TIAM1: variants seen among roughly 807,000 people sequenced by gnomAD.
TIAM1 encodes the protein rho guanine nucleotide exchange factor TIAM1.
In TIAM1, 65 loss-of-function variants were observed where a neutral mutation model predicts 163.5. That is an observed-to-expected ratio of 0.40 (90% CI 0.33 to 0.49). The LOEUF is 0.49. Ranked by LOEUF, TIAM1 falls within the 20% of genes least tolerant of loss-of-function variation. TIAM1 has a pLI of 0.77. For synonymous variants in TIAM1, 833 were observed against 810.1 expected, an observed-to-expected ratio of 1.03 and a Z score of -0.48; for missense variants, 1,789 against 2,044.7, an observed-to-expected ratio of 0.87 and a Z score of 2.41.
At chr21:31,170,471 C>T (rs557927804) in intron 15 of TIAM1, among the ~76,000 whole-genome samples, 1 of 152,254 alleles carries the variant, frequency 6.6e-6, no homozygotes, top group East Asian at 1.9e-4. Context: ...CAACATTTTT[C>T]TTGGAACTAA....
At chr21:31,208,168 C>T (rs1338330217) in intron 11 of TIAM1, among the ~76,000 whole-genome samples, 1 of 152,198 alleles carries the variant, frequency 6.6e-6, no homozygotes, top group African/African-American at 2.4e-5. Context: ...AAAGCAAAAG[C>T]TTGAAACATA....
chr21:31,260,805 G>T (rs1039980657), intron 4 of TIAM1, among the ~76,000 whole-genome samples: 3 of 152,020 alleles, frequency 2.0e-5, no homozygotes, highest in East Asian at 1.9e-4. Context: ...AAAACCTGAG[G>T]TTCTTAACCA....
intron 1 of TIAM1, among the ~76,000 whole-genome samples, chr21:31,490,138 C>G (rs367949882): frequency 1.3e-5 from 2 of 152,222 alleles, no homozygotes; most frequent in Middle Eastern, 3.4e-3. Context: ...TGCCCATTAT[C>G]TAATAAATCT....
intron 1 of TIAM1, among the ~76,000 whole-genome samples, chr21:31,341,600 A>G (rs138420032): frequency 3.3e-5 from 5 of 152,324 alleles, no homozygotes; most frequent in African/African-American, 1.2e-4. Context: ...ACAATATCAC[A>G]GGGTGTGCCT....
intron 4 of TIAM1, among the ~76,000 whole-genome samples, chr21:31,257,374 A>G (rs1209824548): frequency 6.6e-6 from 1 of 152,174 alleles, no homozygotes; most frequent in Admixed American, 6.5e-5. Flanking sequence ...ATTCCAAAGT[A>G]AGTTGGCAAA....
In TIAM1 at chr21:31,245,548, G is replaced by A. The variant is rs145539627; in HGVS notation, c.1524C>T (p.His508=). The A allele has an allele frequency of 1.3e-5, 20 of 1,596,448 alleles. No individual in the cohort carries two copies. The African/African-American group carries it at 2.4e-4, about 19-fold the overall frequency. Residue 508 remains histidine (H), a synonymous_variant, in exon 6 of 28, where the codon CAC becomes CAT. Transcript: ENST00000541036. ...ENSIVQAVPE[H]PKKDFVFCLS... is the part of the protein sequence containing the mutation. Reference sequence around the variant, plus strand: ...GGCAGAAGACAAAGTCCTTCTTGGGGTGCTCAGGCACCGCCTGCACAATGC... The same window carrying A: ...GGCAGAAGACAAAGTCCTTCTTGGGATGCTCAGGCACCGCCTGCACAATGC...
At chr21:31,124,818 C>T (rs1313658776) in intron 26 of TIAM1, 124 bp from the exon 27 acceptor site, 2 of 743,420 alleles carry the variant, frequency 2.7e-6, no homozygotes, top group East Asian at 2.8e-5. Context: ...GAGGCCTTGA[C>T]TCCAATTTCT....
chr21:31,525,805 G>C (rs2147505414), intron 1 of TIAM1, among the ~76,000 whole-genome samples: 1 of 152,166 alleles, frequency 6.6e-6, no homozygotes, highest in South Asian at 2.1e-4. Context: ...AGGCTGAGAT[G>C]GGTGGATCAT....
chr21:31,415,797 G>T (rs571037358), intron 2 of TIAM1, among the ~76,000 whole-genome samples: 1 of 152,060 alleles, frequency 6.6e-6, no homozygotes, highest in Non-Finnish European at 1.5e-5. Flanking sequence ...GGACAAAACT[G>T]GCCTCTCATT....
At chr21:31,159,847 G>A (rs1261175037) in intron 16 of TIAM1, among the ~76,000 whole-genome samples, 1 of 152,172 alleles carries the variant, frequency 6.6e-6, no homozygotes, top group Admixed American at 6.5e-5. Flanking sequence ...TTCCTCATTG[G>A]AGAGTGAATA....
chr21:31,347,794 C>A (rs2076172733), upstream of TIAM1, among the ~76,000 whole-genome samples: 1 of 140,966 alleles, frequency 7.1e-6, no homozygotes. Flanking sequence ...TTCAGAGAAA[C>A]TGCAAACCCT....
In TIAM1 at chr21:31,203,106, C is replaced by A. The variant is rs1364293992; in HGVS notation, c.2389-94G>T. On this transcript the variant is annotated intron_variant, in intron 11 of 27. Transcript: ENST00000541036. ...CCAACATACGATGTATTCCTATGAC[C>A]AATAGAGTTTGTTGTTGTTGTTGTT... 9 of 1,028,490 alleles carry A rather than the reference C, an allele frequency of 8.8e-6. No individual in the cohort carries two copies. In the South Asian group the frequency reaches 1.3e-4, roughly 15 times the overall value. 63.7% of individuals were successfully genotyped at this position (1,028,490 alleles called of 1,614,324 possible).
intron 2 of TIAM1, among the ~76,000 whole-genome samples, chr21:31,439,732 ATAGAACT>A (rs1345913188): frequency 2.6e-5 from 4 of 152,266 alleles, no homozygotes; most frequent in South Asian, 2.1e-4. Context: ...CTGGTAAGAA[ATAGAACT>A]TACTTTACCC....
At chr21:31,250,536 C>A (rs1443637274) in intron 5 of TIAM1, among the ~76,000 whole-genome samples, 1 of 152,214 alleles carries the variant, frequency 6.6e-6, no homozygotes, top group African/African-American at 2.4e-5. Context: ...CTCTAGGCTG[C>A]TCCATGTCTC....
At chr21:31,223,010 G>A (rs1282249519) in intron 8 of TIAM1, among the ~76,000 whole-genome samples, 3 of 151,680 alleles carry the variant, frequency 2.0e-5, no homozygotes, top group Non-Finnish European at 2.9e-5. Flanking sequence ...GAGTCACTGC[G>A]CCCAGCCTGA....
chr21:31,387,973 G>A (rs181448633), intron 2 of TIAM1, among the ~76,000 whole-genome samples: 10 of 152,020 alleles, frequency 6.6e-5, no homozygotes, highest in Admixed American at 4.6e-4. Context: ...ATGAGATCTG[G>A]TTGTTTAAAA....
chr21:31,555,639 C>A (rs961208895), intron 1 of TIAM1, among the ~76,000 whole-genome samples: 5 of 152,140 alleles, frequency 3.3e-5, no homozygotes, highest in Non-Finnish European at 5.9e-5. Flanking sequence ...CAGAAGCCCC[C>A]TCTCCCGGCA....
At chr21:31,329,592 C>T (rs2075610934) in intron 2 of TIAM1, among the ~76,000 whole-genome samples, 1 of 152,192 alleles carries the variant, frequency 6.6e-6, no homozygotes, top group Non-Finnish European at 1.5e-5. Context: ...AAAATGCATC[C>T]TTAGTGTCCA....
chr21:31,425,189 C>T (rs939385407), intron 2 of TIAM1, among the ~76,000 whole-genome samples: 5 of 152,152 alleles, frequency 3.3e-5, no homozygotes, highest in Non-Finnish European at 7.3e-5. Flanking sequence ...CTCTCTTCCA[C>T]GGTGGCCCTT....
Sources: allele counts gnomAD v4.1 joint callset (sites outside exome capture counted in the v4.1 genomes callset), GRCh38; gene constraint gnomAD v4.1.1; transcripts MANE v1.5; gene names NCBI Gene and HGNC (gene_info 2026-07-23, HGNC 2026-07-21).